KCNK9: variants seen among roughly 807,000 people sequenced by gnomAD.
The protein encoded by KCNK9 is potassium channel subfamily K member 9.
Under a neutral mutation model 10.8 loss-of-function variants are expected in KCNK9, and 1 was observed. That is an observed-to-expected ratio of 0.09 (90% CI 0.03 to 0.44). The LOEUF (loss-of-function observed/expected upper bound fraction) is 0.44. KCNK9 is among the 20% of genes least tolerant of loss of function. The pLI is 0.97. For missense variants in KCNK9, 303 were observed against 515.0 expected, an observed-to-expected ratio of 0.59 and a Z score of 3.98; for synonymous variants, 231 against 222.7, an observed-to-expected ratio of 1.04 and a Z score of -0.33.
chr8:139,620,002 T>C (rs1003124931), intron 1 of KCNK9, among the ~76,000 whole-genome samples: 1 of 152,232 alleles, frequency 6.6e-6, no homozygotes, highest in Non-Finnish European at 1.5e-5. Flanking sequence ...TGCAACTTCA[T>C]TGCGTGGTTG....
intron 1 of KCNK9, among the ~76,000 whole-genome samples, chr8:139,698,783 T>A (rs1159899116): frequency 2.6e-5 from 4 of 152,064 alleles, no homozygotes; most frequent in African/African-American, 4.8e-5. Flanking sequence ...GGAAAAAAAA[T>A]GGAAAATGCT....
intron 1 of KCNK9, among the ~76,000 whole-genome samples, chr8:139,659,542 C>T (rs1175882551): frequency 2.0e-5 from 3 of 152,178 alleles, no homozygotes; most frequent in Non-Finnish European, 2.9e-5. Context: ...GACGGAGTCT[C>T]GCTCTGTCAC....
chr8:139,646,972 G>A (rs995548016), intron 1 of KCNK9, among the ~76,000 whole-genome samples: 2 of 152,210 alleles, frequency 1.3e-5, no homozygotes, highest in African/African-American at 2.4e-5. Context: ...GCCCAAACTC[G>A]TGCACAAGGC....
At chr8:139,640,623 T>C (rs1233990947) in intron 1 of KCNK9, among the ~76,000 whole-genome samples, 2 of 152,296 alleles carry the variant, frequency 1.3e-5, no homozygotes, top group East Asian at 3.9e-4. Context: ...CTGTGCAACC[T>C]ATAACCACAA....
At chr8:139,688,242 T>C (rs1392116125) in intron 1 of KCNK9, among the ~76,000 whole-genome samples, 1 of 152,158 alleles carries the variant, frequency 6.6e-6, no homozygotes, top group Non-Finnish European at 1.5e-5. Context: ...GGGGTTGAGC[T>C]CAGGTCCCTT....
At chr8:139,623,651 G>T (rs1047958223) in intron 1 of KCNK9, among the ~76,000 whole-genome samples, 1 of 151,864 alleles carries the variant, frequency 6.6e-6, no homozygotes, top group African/African-American at 2.4e-5. Flanking sequence ...ATACCCTACC[G>T]CCCCCTCCCC....
chr8:139,656,467 G>A (rs1227601128), intron 1 of KCNK9, among the ~76,000 whole-genome samples: 6 of 152,098 alleles, frequency 3.9e-5, no homozygotes, highest in South Asian at 2.1e-4. Context: ...TGTCCTGGGC[G>A]CGCTTGCCTC....
intron 1 of KCNK9, among the ~76,000 whole-genome samples, chr8:139,641,952 C>T (rs1326453277): frequency 6.6e-6 from 1 of 152,234 alleles, no homozygotes; most frequent in Non-Finnish European, 1.5e-5. Context: ...CTCTCAGGCT[C>T]TGCCATACAG....
intron 1 of KCNK9, among the ~76,000 whole-genome samples, chr8:139,686,338 G>T (rs1257276752): frequency 6.6e-6 from 1 of 152,142 alleles, no homozygotes; most frequent in African/African-American, 2.4e-5. Flanking sequence ...CCTACAGAAT[G>T]GGAGAAAATT....
At chr8:139,657,843 C>T (rs538872676) in intron 1 of KCNK9, among the ~76,000 whole-genome samples, 1 of 152,308 alleles carries the variant, frequency 6.6e-6, no homozygotes, top group African/African-American at 2.4e-5. Flanking sequence ...CTCCAGGACT[C>T]GCCTCTATCC....
intron 1 of KCNK9, among the ~76,000 whole-genome samples, chr8:139,633,478 A>T (rs1815236917): frequency 6.6e-6 from 1 of 152,164 alleles, no homozygotes; most frequent in Non-Finnish European, 1.5e-5. Context: ...AGGACACACG[A>T]CTAATAGGTG....
intron 1 of KCNK9, among the ~76,000 whole-genome samples, chr8:139,621,908 A>G (rs1289850339): frequency 6.6e-6 from 1 of 152,242 alleles, no homozygotes; most frequent in African/African-American, 2.4e-5. Context: ...CACATGTGAT[A>G]TATTTACTGG....
At chr8:139,697,993 A>T (rs930677599) in intron 1 of KCNK9, among the ~76,000 whole-genome samples, 1 of 152,090 alleles carries the variant, frequency 6.6e-6, no homozygotes, top group Admixed American at 6.5e-5. Context: ...GGCCCACCCC[A>T]TGGCGCCCTA....
intron 1 of KCNK9, among the ~76,000 whole-genome samples, chr8:139,682,881 C>G (rs1037788578): frequency 6.6e-6 from 1 of 151,920 alleles, no homozygotes; most frequent in Non-Finnish European, 1.5e-5. Flanking sequence ...CCAGAGGAAG[C>G]CAAAAATTAG....
chr8:139,687,289 A>ATG (rs1816810379), intron 1 of KCNK9, among the ~76,000 whole-genome samples: 1 of 150,414 alleles, frequency 6.6e-6, no homozygotes, highest in East Asian at 2.0e-4. Flanking sequence ...TTCTACTTCT[A>ATG]TGCTACATTT....
intron 1 of KCNK9, among the ~76,000 whole-genome samples, chr8:139,660,517 A>G (rs552997297): frequency 4.0e-5 from 6 of 151,580 alleles, no homozygotes; most frequent in African/African-American, 1.2e-4. Context: ...GCTACTCAAG[A>G]GGCTGAGGCA....
At chr8:139,616,688 T>C (rs1452025487), downstream of KCNK9, 1 of 152,208 alleles carries the variant, frequency 6.6e-6, no homozygotes, top group Admixed American at 6.5e-5. Flanking sequence ...CAGTAAACCG[T>C]GTTCCTTCTG....
chr8:139,621,675 A>C lies in KCNK9; in HGVS notation c.284-2576T>G, dbSNP rs1814785641. ...GCATATCTACACAATAAGATTACTG[A>C]AGGCTGCTCTGTCTGGGGAGAAGGA... On this transcript the variant is annotated intron_variant, in intron 1 of 1. Coordinates refer to ENST00000520439, the MANE Select transcript of KCNK9 (RefSeq NM_001282534.2). 2.6e-5 allele frequency among the ~76,000 whole-genome samples: 4 copies of C among 152,360 alleles called. No individual in the cohort carries two copies. In the South Asian group the frequency reaches 8.3e-4, roughly 32 times the overall value.
rs1246594310 is a variant in KCNK9, at chr8:139,617,121, T to C, written c.*1137A>G. ...AAATCAAATGCAATTAGAGACGATA[T>C]TTCTTGAAATAGATATGTATTTTTA... is the stretch of plus-strand genomic sequence containing the variant. On this transcript the variant is annotated 3_prime_UTR_variant, in exon 2 of 2. Coordinates refer to ENST00000520439, the MANE Select transcript of KCNK9 (RefSeq NM_001282534.2). The C allele has an allele frequency of 6.6e-6, 1 of 152,184 alleles. No individual in the cohort carries two copies. The highest frequency in any genetic ancestry group is 1.5e-5 in the Non-Finnish European group (1 of 68,026). 9.4% of individuals were successfully genotyped at this position (152,184 alleles called of 1,614,324 possible).
Sources: gnomAD v4.1 joint callset for allele counts (sites outside exome capture counted in the v4.1 genomes callset) on GRCh38, gnomAD v4.1.1 for gene constraint, MANE v1.5 for transcripts, NCBI Gene and HGNC (gene_info 2026-07-23, HGNC 2026-07-21) for gene names.